The following NKAIN2 variants were observed in gnomAD, a reference collection of about 807,000 sequenced individuals.
NKAIN2 encodes the protein sodium/potassium-transporting ATPase subunit beta-1-interacting protein 2.
A neutral mutation model predicts 32.6 loss-of-function variants in NKAIN2; 14 were observed. The observed-to-expected ratio is 0.43, with a 90% CI of 0.28 to 0.67. The LOEUF is 0.67. Ranked by LOEUF, NKAIN2 falls within the 30% of genes least tolerant of loss-of-function variation. The pLI, the probability that NKAIN2 is intolerant of heterozygous loss-of-function variation, is 0.17. For missense variants in NKAIN2, 198 were observed against 258.3 expected, an observed-to-expected ratio of 0.77 and a Z score of 1.60; for synonymous variants, 80 against 87.2, an observed-to-expected ratio of 0.92 and a Z score of 0.46.
At chr6:123,930,207 T>A (rs902981735) in intron 1 of NKAIN2, among the ~76,000 whole-genome samples, 6 of 152,190 alleles carry the variant, frequency 3.9e-5, no homozygotes, top group African/African-American at 1.4e-4. Context: ...GATATTGTTT[T>A]ACTGATAATT....
chr6:124,657,210 G>A (rs978113333), intron 3 of NKAIN2, among the ~76,000 whole-genome samples: 5 of 152,214 alleles, frequency 3.3e-5, no homozygotes, highest in African/African-American at 1.2e-4. Flanking sequence ...TCACTTTGGA[G>A]TGAGTAGTTG....
intron 5 of NKAIN2, among the ~76,000 whole-genome samples, chr6:124,813,866 A>G (rs1781024127): frequency 6.6e-6 from 1 of 152,206 alleles, no homozygotes; most frequent in African/African-American, 2.4e-5. Context: ...CGACCCAAAC[A>G]TCTAGCTGCC....
At chr6:124,558,020 C>A (rs781403051) in intron 3 of NKAIN2, among the ~76,000 whole-genome samples, 1 of 152,104 alleles carries the variant, frequency 6.6e-6, no homozygotes. Flanking sequence ...CTTTTTAGAT[C>A]AAACAAAAGA....
intron 3 of NKAIN2, among the ~76,000 whole-genome samples, chr6:124,500,610 C>T (rs1295197460): frequency 4.0e-5 from 6 of 151,696 alleles, no homozygotes; most frequent in South Asian, 2.1e-4. Context: ...GCTGAGATCA[C>T]GCCACTGCAC....
chr6:124,490,532 G>A (rs1777823545), intron 3 of NKAIN2: 1 of 329,474 alleles, frequency 3.0e-6, no homozygotes, highest in Non-Finnish European at 5.8e-6. Context: ...CAAGTATTTA[G>A]TAGAGGAGTT....
At chr6:124,611,500 G>A (rs1423811806) in intron 3 of NKAIN2, among the ~76,000 whole-genome samples, 1 of 152,070 alleles carries the variant, frequency 6.6e-6, no homozygotes, top group Non-Finnish European at 1.5e-5. Context: ...CATGCATTAA[G>A]TATTTGTCCT....
chr6:124,237,280 T>C (rs1287961072), intron 1 of NKAIN2, among the ~76,000 whole-genome samples: 1 of 152,068 alleles, frequency 6.6e-6, no homozygotes, highest in Non-Finnish European at 1.5e-5. Context: ...CACAGAACAA[T>C]TGAGGAAGGA....
intron 4 of NKAIN2, among the ~76,000 whole-genome samples, chr6:124,777,388 T>C (rs1779028294): frequency 6.6e-6 from 1 of 152,146 alleles, no homozygotes; most frequent in Non-Finnish European, 1.5e-5. Flanking sequence ...TCAGCTCCAC[T>C]ACCTATTAGC....
rs574606986 is a variant in NKAIN2, at chr6:123,811,423, G to A, written c.54+7169G>A. On this transcript the variant is annotated intron_variant, in intron 1 of 6. Transcript: ENST00000368417. Reference sequence around the variant, plus strand: ...AGCACAGCGCTGGGGTGGGGGTTGTGGGGGGGTGGGGGAGAGAGGGAGAGA... The same window carrying A: ...AGCACAGCGCTGGGGTGGGGGTTGTAGGGGGGTGGGGGAGAGAGGGAGAGA... Among the ~76,000 whole-genome samples the A allele has an allele frequency of 9.0e-4, 64 of 70,742 alleles. 1 individual carries two copies. In the South Asian group the frequency reaches 0.041, roughly 46 times the overall value. 46.4% of individuals were successfully genotyped at this position (70,742 alleles called of 152,430 possible). A position where few individuals can be genotyped will look rare whatever the true frequency, so the allele number is the denominator to read the frequency against.
chr6:124,103,011 A>G (rs993716866), intron 1 of NKAIN2, among the ~76,000 whole-genome samples: 2 of 152,126 alleles, frequency 1.3e-5, no homozygotes, highest in Admixed American at 1.3e-4. Flanking sequence ...TACTCAGAAA[A>G]CAGTAGACTG....
At chr6:123,891,143 T>TTA (rs1224297334) in intron 1 of NKAIN2, among the ~76,000 whole-genome samples, 1 of 151,902 alleles carries the variant, frequency 6.6e-6, no homozygotes, top group Non-Finnish European at 1.5e-5. Context: ...AATAGGCAAA[T>TTA]TAATAGAGGG....
At chr6:123,995,583 G>T (rs549239113) in intron 1 of NKAIN2, among the ~76,000 whole-genome samples, 6 of 152,182 alleles carry the variant, frequency 3.9e-5, no homozygotes, top group Non-Finnish European at 2.9e-5. Flanking sequence ...CAATTTAAAT[G>T]TGGTCAGAAA....
chr6:124,321,094 A>C (rs183104481), intron 2 of NKAIN2, among the ~76,000 whole-genome samples: 1 of 152,282 alleles, frequency 6.6e-6, no homozygotes, highest in African/African-American at 2.4e-5. Context: ...TGGGCATTTC[A>C]TGAAGTCAAA....
At chr6:123,820,530 G>A (rs1773879603) in intron 1 of NKAIN2, among the ~76,000 whole-genome samples, 1 of 152,096 alleles carries the variant, frequency 6.6e-6, no homozygotes, top group Admixed American at 6.6e-5. Flanking sequence ...AGGGTGTGGT[G>A]GAACCAGTAT....
intron 4 of NKAIN2, among the ~76,000 whole-genome samples, chr6:124,695,223 C>A (rs1408666715): frequency 6.6e-6 from 1 of 150,748 alleles, no homozygotes; most frequent in Non-Finnish European, 1.5e-5. Flanking sequence ...ATGGATGATA[C>A]CTTGTGGTCC....
In NKAIN2 at chr6:124,379,577, T is replaced by TG. The variant is rs1438621279; in HGVS notation, c.273+24233dup. On this transcript the variant is annotated intron_variant, in intron 3 of 6. Coordinates refer to ENST00000368417, the MANE Select transcript of NKAIN2 (RefSeq NM_001040214.3). ...AGAATAATGGCACAGCAATTCTGTG[T>TG]GGGAAAAAGGTGGGACAGAGGCTTG... 1.6e-4 allele frequency among the ~76,000 whole-genome samples: 24 copies of TG among 152,130 alleles called. No individual in the cohort carries two copies. The South Asian group carries it at 5.0e-3, about 32-fold the overall frequency.
chr6:124,804,227 G>C (rs978943012), intron 5 of NKAIN2, among the ~76,000 whole-genome samples: 3 of 152,104 alleles, frequency 2.0e-5, no homozygotes, highest in Non-Finnish European at 4.4e-5. Flanking sequence ...CAAGATCCAG[G>C]TCTCAGCAGA....
intron 1 of NKAIN2, among the ~76,000 whole-genome samples, chr6:124,109,302 C>T (rs1785260470): frequency 6.6e-6 from 1 of 151,918 alleles, no homozygotes; most frequent in Non-Finnish European, 1.5e-5. Flanking sequence ...CTTTGTGGTG[C>T]ACCTGTAAAT....
In NKAIN2 at chr6:124,294,047, CTTAT is replaced by C. The variant is rs767796631; in HGVS notation, c.192+10916_192+10919del. Reference sequence around the variant, plus strand: ...ACACTACCTGAGATTGGATGATTTGCTTATTTATTTATTTTAAAAAATGTTTATT... The same window carrying C: ...ACACTACCTGAGATTGGATGATTTGCTTATTTATTTTAAAAAATGTTTATT... On this transcript the variant is annotated intron_variant, in intron 2 of 6. Coordinates refer to ENST00000368417, the MANE Select transcript of NKAIN2 (RefSeq NM_001040214.3). 3.3e-5 allele frequency among the ~76,000 whole-genome samples: 5 copies of C among 152,012 alleles called. No homozygotes were observed. The East Asian group carries it at 7.7e-4, about 23-fold the overall frequency.
Sources: gnomAD v4.1 joint callset for allele counts (sites outside exome capture counted in the v4.1 genomes callset) on GRCh38, gnomAD v4.1.1 for gene constraint, MANE v1.5 for transcripts, NCBI Gene and HGNC (gene_info 2026-07-23, HGNC 2026-07-21) for gene names.